The following SMARCAD1 variants were observed in gnomAD, a reference collection of about 807,000 sequenced individuals.
The protein encoded by SMARCAD1 is SWI/SNF-related matrix-associated actin-dependent regulator of chromatin subfamily A containing DEAD/H box 1.
Under a neutral mutation model 127.1 loss-of-function variants are expected in SMARCAD1, and 25 were observed. The observed-to-expected ratio is 0.20, with a 90% CI of 0.14 to 0.27. The LOEUF is 0.27. SMARCAD1 is among the 10% of genes least tolerant of loss of function. SMARCAD1 has a pLI of 1.00. For missense variants in SMARCAD1, 807 were observed against 1,206.0 expected, an observed-to-expected ratio of 0.67 and a Z score of 4.90; for synonymous variants, 400 against 396.9, an observed-to-expected ratio of 1.01 and a Z score of -0.09.
At chr4:94,236,842 A>ATACT in intron 4 of SMARCAD1, 110 bp from the exon 5 acceptor site, 1 of 874,736 alleles carries the variant, frequency 1.1e-6, no homozygotes, top group Non-Finnish European at 1.9e-6. Flanking sequence ...TATGACACAC[A>ATACT]TACTTTCCTG....
In SMARCAD1 at chr4:94,289,864, C is replaced by T; in HGVS notation, c.*330C>T. 6.4e-6 allele frequency: 3 copies of T among 471,756 alleles called. No individual in the cohort carries two copies. The highest frequency in any genetic ancestry group is 4.7e-5 in the South Asian group (3 of 63,550). The allele number at this position is 471,756 out of a possible 1,614,324, so 29.2% of individuals were successfully genotyped here. On this transcript the variant is annotated 3_prime_UTR_variant, in exon 24 of 24. Coordinates refer to ENST00000354268, the MANE Select transcript of SMARCAD1 (RefSeq NM_020159.5). The stretch of plus-strand genomic sequence containing the variant: ...AATGTCAGTATTTTTGTAATTATTT[C>T]TACCTCCAAATATATATATATTGTC...
rs535062783 is a variant in SMARCAD1 at position 94,283,094 on chromosome 4, A to G, written c.2727-27A>G. 445 of 1,585,952 alleles carry G rather than the reference A, an allele frequency of 2.8e-4. 4 individuals are homozygous for G. In the South Asian group the frequency reaches 4.6e-3, roughly 16 times the overall value. On this transcript the variant is annotated intron_variant, in intron 21 of 23. Coordinates refer to ENST00000354268, the MANE Select transcript of SMARCAD1 (RefSeq NM_020159.5). Reference sequence around the variant, plus strand: ...TTACATTATACAACTTTTTAGTGAGATTTAACCTAATTTGTTTATCTTACA... The same window carrying G: ...TTACATTATACAACTTTTTAGTGAGGTTTAACCTAATTTGTTTATCTTACA...
intron 12 of SMARCAD1, 102 bp downstream of exon 12, chr4:94,273,818 T>C: frequency 1.2e-6 from 1 of 866,820 alleles, no homozygotes; most frequent in Non-Finnish European, 1.9e-6. Context: ...TGTGGTTTCT[T>C]AGTTTGTAGA....
chr4:94,260,951 T>C (rs1454735766), intron 9 of SMARCAD1, among the ~76,000 whole-genome samples: 11 of 152,198 alleles, frequency 7.2e-5, no homozygotes, highest in Admixed American at 3.3e-4. Flanking sequence ...TTGTGATTTA[T>C]GTCTGCTGTA....
At chr4:94,228,327 T>C (rs752134301) in intron 3 of SMARCAD1, among the ~76,000 whole-genome samples, 7 of 152,224 alleles carry the variant, frequency 4.6e-5, no homozygotes, top group Non-Finnish European at 7.4e-5. Flanking sequence ...ACAATTGCAT[T>C]ATCACTCTTC....
At chr4:94,251,597 T>TTAGC (rs1247032307) in intron 8 of SMARCAD1, among the ~76,000 whole-genome samples, 2 of 152,212 alleles carry the variant, frequency 1.3e-5, no homozygotes, top group Non-Finnish European at 2.9e-5. Context: ...GAGGAATACT[T>TTAGC]TAGCCAATTC....
intron 6 of SMARCAD1, 53 bp from the exon 7 acceptor site, chr4:94,249,601 C>T (rs1443490295): frequency 1.1e-6 from 1 of 918,344 alleles, no homozygotes; most frequent in Non-Finnish European, 1.8e-6. Context: ...TGCCTTAAGA[C>T]CATTGTTATT....
intron 23 of SMARCAD1, among the ~76,000 whole-genome samples, chr4:94,288,871 C>G (rs950980458): frequency 6.6e-6 from 1 of 152,072 alleles, no homozygotes; most frequent in Non-Finnish European, 1.5e-5. Context: ...CACTGTGACA[C>G]AAAGAGATTT....
chr4:94,288,650 TGA>T (rs1243804283), intron 23 of SMARCAD1, among the ~76,000 whole-genome samples: 2 of 152,066 alleles, frequency 1.3e-5, no homozygotes, highest in South Asian at 2.1e-4. Context: ...TGTATATTTG[TGA>T]GAGAGGGGAG....
intron 2 of SMARCAD1, among the ~76,000 whole-genome samples, chr4:94,214,532 C>G (rs930723622): frequency 1.3e-5 from 2 of 151,902 alleles, no homozygotes; most frequent in Non-Finnish European, 2.9e-5. Flanking sequence ...TCCTAAAGTG[C>G]TGGGATTACA....
Position 94,290,167 on chromosome 4 carries a change from G to T in SMARCAD1, c.*633G>T. ...AATTTATTTGGCTAGGCACTAAGTTGTTTTCCAGTGAATAGTAACTAAAGA... is the reference window on the plus strand; with the variant it reads ...AATTTATTTGGCTAGGCACTAAGTTTTTTTCCAGTGAATAGTAACTAAAGA... On this transcript the variant is annotated 3_prime_UTR_variant, in exon 24 of 24. Coordinates refer to ENST00000354268, the MANE Select transcript of SMARCAD1 (RefSeq NM_020159.5). The T allele has an allele frequency of 2.2e-6, 1 of 454,472 alleles. No homozygotes were observed. Among genetic ancestry groups the T allele is most frequent in the Non-Finnish European group, 4.4e-6 (1 of 226,748 alleles). The allele number at this position is 454,472 out of a possible 1,614,324, so 28.2% of individuals were successfully genotyped here. A position where few individuals can be genotyped will look rare whatever the true frequency, so the allele number is the denominator to read the frequency against.
At chr4:94,208,180 C>G in intron 1 of SMARCAD1, 110 bp downstream of exon 1, 1 of 695,236 alleles carries the variant, frequency 1.4e-6, no homozygotes, top group Non-Finnish European at 2.6e-6. Context: ...AAGATACCCC[C>G]GTCCACCTTC....
chr4:94,272,270 C>T lies in SMARCAD1; in HGVS notation c.1573-1347C>T, dbSNP rs79670517. 6.7e-3 allele frequency among the ~76,000 whole-genome samples: 1,017 copies of T among 152,318 alleles called. 5 individuals carry two copies. The highest frequency in any genetic ancestry group is 0.054 in the Middle Eastern group (16 of 294). ...TACAATGGCATTTGAGGTTACGACT[C>T]CAACGTATGTATTGTCAGTGGGAAG... On this transcript the variant is annotated intron_variant, in intron 11 of 23. Coordinates refer to ENST00000354268, the MANE Select transcript of SMARCAD1 (RefSeq NM_020159.5).
chr4:94,279,700 C>T (rs961409670), intron 19 of SMARCAD1, among the ~76,000 whole-genome samples: 47 of 152,168 alleles, frequency 3.1e-4, no homozygotes, highest in African/African-American at 1.1e-3. Context: ...TTTACAGGAA[C>T]AGTTTGCTAA....
intron 10 of SMARCAD1, among the ~76,000 whole-genome samples, chr4:94,266,226 C>T (rs1460945878): frequency 6.6e-6 from 1 of 152,066 alleles, no homozygotes. Flanking sequence ...CTTCACTCTA[C>T]AAGACTTACC....
chr4:94,278,631 C>G lies in SMARCAD1; in HGVS notation c.2194C>G (p.Pro732Ala). The change falls in exon 18 of 24, where the codon CCC becomes GCC. Residue 732 changes from proline to alanine, a missense_variant. By Grantham distance (27) the Pro-to-Ala change is conservative. Transcript: ENST00000354268. ...RVKEEVLKQL[P>A]PKKDRIELCA... ...TCTGTCTCAGGTTCTCAAGCAGTTACCCCCCAAGAAAGATCGAATTGAGTT... is the reference window on the plus strand; with the variant it reads ...TCTGTCTCAGGTTCTCAAGCAGTTAGCCCCCAAGAAAGATCGAATTGAGTT... 6.2e-7 allele frequency: 1 copy of G among 1,613,832 alleles called. No homozygotes were observed. Among genetic ancestry groups the G allele is most frequent in the Non-Finnish European group, 8.5e-7 (1 of 1,179,924 alleles).
chr4:94,246,189 G>A (rs2125900199), intron 6 of SMARCAD1, among the ~76,000 whole-genome samples: 2 of 150,434 alleles, frequency 1.3e-5, no homozygotes. Context: ...GCATGATCCT[G>A]GCTCACCGCA....
chr4:94,251,527 C>T (rs1749269808), intron 8 of SMARCAD1, among the ~76,000 whole-genome samples: 1 of 152,040 alleles, frequency 6.6e-6, no homozygotes, highest in Non-Finnish European at 1.5e-5. Context: ...AAAAGAAAGC[C>T]ACCAAATATG....
chr4:94,260,985 C>T lies in SMARCAD1; in HGVS notation c.1282-3722C>T, dbSNP rs1750887490. On this transcript the variant is annotated intron_variant, in intron 9 of 23. Transcript: ENST00000354268. Reference sequence around the variant, plus strand: ...TAATTTTTTTTATATTAGGAAGTTTCAGCTATGAAGGAAATTTTACACTTC... The same window carrying T: ...TAATTTTTTTTATATTAGGAAGTTTTAGCTATGAAGGAAATTTTACACTTC... Among the ~76,000 whole-genome samples, 3 of 151,758 alleles carry T rather than the reference C, an allele frequency of 2.0e-5. No individual in the cohort carries two copies. In the South Asian group the frequency reaches 6.2e-4, roughly 31 times the overall value.
Sources: gnomAD v4.1 joint callset for allele counts (sites outside exome capture counted in the v4.1 genomes callset) on GRCh38, gnomAD v4.1.1 for gene constraint, MANE v1.5 for transcripts, NCBI Gene and HGNC (gene_info 2026-07-23, HGNC 2026-07-21) for gene names.